The following HHLA2 variants were observed in gnomAD, a reference collection of about 807,000 sequenced individuals.
HHLA2 encodes HHLA2 member of B7 family.
HHLA2 carries 48 observed loss-of-function variants against 45.9 expected under a neutral mutation model. That is an observed-to-expected ratio of 1.05 (90% CI 0.83 to 1.33). The LOEUF is 1.33. HHLA2 is among the 40% of genes most tolerant of loss of function. The pLI is 0.00. For synonymous variants in HHLA2, 161 were observed against 173.9 expected (o/e 0.93, Z 0.59); for missense variants, 462 against 494.3 (o/e 0.93, Z 0.62).
intron 3 of HHLA2, among the ~76,000 whole-genome samples, chr3:108,338,542 CATT>C (rs368960999): frequency 4.6e-5 from 7 of 152,264 alleles, no homozygotes; most frequent in East Asian, 1.9e-4. Flanking sequence ...CGCTTCTCAT[CATT>C]GATTGATTTC....
At chr3:108,375,639 AC>A in intron 8 of HHLA2, 110 bp from the exon 8 acceptor site, 1 of 1,367,550 alleles carries the variant, frequency 7.3e-7, no homozygotes, top group Non-Finnish European at 9.8e-7. Flanking sequence ...CCTTCAAAGA[AC>A]CAGAGAGTGA....
intron 1 of HHLA2, among the ~76,000 whole-genome samples, chr3:108,301,134 C>T (rs1212783507): frequency 6.6e-6 from 1 of 151,980 alleles, no homozygotes; most frequent in Non-Finnish European, 1.5e-5. Context: ...AGACCTAGGC[C>T]CTCCAAACCA....
At chr3:108,312,793 C>T (rs149362639) in intron 2 of HHLA2, among the ~76,000 whole-genome samples, 2 of 152,318 alleles carry the variant, frequency 1.3e-5, no homozygotes, top group Non-Finnish European at 2.9e-5. Context: ...AATTCCACTG[C>T]ATGATAATCA....
intron 1 of HHLA2, among the ~76,000 whole-genome samples, chr3:108,301,459 C>G (rs1560176984): frequency 6.6e-6 from 1 of 152,122 alleles, no homozygotes; most frequent in Non-Finnish European, 1.5e-5. Context: ...GGCATTTCTT[C>G]TAGAGTTATC....
intron 5 of HHLA2, 144 bp downstream of exon 4, chr3:108,353,924 T>C: frequency 3.2e-6 from 2 of 632,448 alleles, no homozygotes; most frequent in African/African-American, 1.8e-5. Flanking sequence ...CAACTTGTAG[T>C]ATACTAATGT....
Position 108,372,077 on chromosome 3 carries a change from T to G in HHLA2, c.1109-3673T>G, listed in dbSNP as rs1212105502. 2.6e-5 allele frequency among the ~76,000 whole-genome samples: 4 copies of G among 152,324 alleles called. No individual in the cohort carries two copies. The South Asian group carries it at 8.3e-4, about 32-fold the overall frequency. On this transcript the variant is annotated intron_variant, in intron 8 of 10. Coordinates refer to ENST00000619531, the Ensembl canonical transcript of HHLA2. ...CCAAAATTGACCACATAATTGGAAGTAAAGCACTCCTCAGCAAATGTAAAA... is the reference window on the plus strand; with the variant it reads ...CCAAAATTGACCACATAATTGGAAGGAAAGCACTCCTCAGCAAATGTAAAA...
intron 8 of HHLA2, among the ~76,000 whole-genome samples, chr3:108,369,799 A>C (rs1298774404): frequency 6.6e-6 from 1 of 152,226 alleles, no homozygotes; most frequent in African/African-American, 2.4e-5. Flanking sequence ...TTGAGTAGGT[A>C]AACAAAGCAG....
At chr3:108,350,503 T>A (rs912217943) in intron 3 of HHLA2, among the ~76,000 whole-genome samples, 25 of 152,294 alleles carry the variant, frequency 1.6e-4, no homozygotes, top group African/African-American at 5.8e-4. Flanking sequence ...TTTACTTTTT[T>A]AAAAAAATTG....
chr3:108,350,389 G>A lies in HHLA2; in HGVS notation c.-26-1399G>A, dbSNP rs866995935. On this transcript the variant is annotated intron_variant, in intron 3 of 10. Transcript: ENST00000619531. ...GTTAAAAGGCCTTCTTCCTAAGGTC[G>A]TGTTTTCAATAACTTTCTTATAGTC... Among the ~76,000 whole-genome samples, 19 of 152,210 alleles carry A rather than the reference G, an allele frequency of 1.2e-4. No homozygotes were observed. In the Middle Eastern group the frequency reaches 0.01, roughly 82 times the overall value.
intron 2 of HHLA2, among the ~76,000 whole-genome samples, chr3:108,325,194 A>C (rs576639394): frequency 1.5e-4 from 23 of 152,306 alleles, no homozygotes; most frequent in Admixed American, 5.9e-4. Flanking sequence ...TGTCATGACC[A>C]GACTATTACA....
intron 2 of HHLA2, among the ~76,000 whole-genome samples, chr3:108,327,033 G>C (rs934737031): frequency 9.2e-5 from 14 of 152,118 alleles, no homozygotes; most frequent in African/African-American, 2.7e-4. Flanking sequence ...TTCTGTGTCT[G>C]AGAATTATTT....
intron 2 of HHLA2, among the ~76,000 whole-genome samples, chr3:108,314,419 A>G (rs955662370): frequency 6.6e-6 from 1 of 151,816 alleles, no homozygotes; most frequent in African/African-American, 2.4e-5. Context: ...TCCCCTTTTG[A>G]ATCTTTTCTT....
chr3:108,300,339 C>T (rs2080829537), intron 1 of HHLA2, among the ~76,000 whole-genome samples: 1 of 152,058 alleles, frequency 6.6e-6, no homozygotes, highest in Non-Finnish European at 1.5e-5. Flanking sequence ...CACTGTATGC[C>T]TTTGTTTCAT....
intron 1 of HHLA2, among the ~76,000 whole-genome samples, chr3:108,298,661 C>T (rs16854403): frequency 0.17 from 25,442 of 152,182 alleles, 3,458 homozygotes; most frequent in East Asian, 0.75. Context: ...ATGCAGTTAG[C>T]AGGTGCAGCT....
intron 8 of HHLA2, among the ~76,000 whole-genome samples, chr3:108,375,527 TAA>T (rs994004141): frequency 1.3e-5 from 2 of 150,932 alleles, no homozygotes; most frequent in African/African-American, 4.9e-5. Flanking sequence ...GTAAAAAAAT[TAA>T]AAAACTAGAG....
chr3:108,354,972 TG>T (rs1175861314), intron 5 of HHLA2, 142 bp from the exon 5 acceptor site: 1 of 756,906 alleles, frequency 1.3e-6, no homozygotes, highest in Non-Finnish European at 2.1e-6. Flanking sequence ...TTTGTTGGTT[TG>T]TTTTCCCTTT....
chr3:108,367,577 C>T (rs143910778), intron 8 of HHLA2, among the ~76,000 whole-genome samples: 177 of 151,592 alleles, frequency 1.2e-3, no homozygotes, highest in Middle Eastern at 3.4e-3. Context: ...TATCAGTAGC[C>T]GAATCGATCA....
chr3:108,365,594 C>T (rs546471940), intron 8 of HHLA2, among the ~76,000 whole-genome samples: 1 of 152,010 alleles, frequency 6.6e-6, no homozygotes, highest in Non-Finnish European at 1.5e-5. Context: ...GGCAGTATGG[C>T]CATTTTCACG....
chr3:108,376,407 A>T, intron 9 of HHLA2, 86 bp from the exon 9 acceptor site: 1 of 994,802 alleles, frequency 1.0e-6, no homozygotes, highest in Non-Finnish European at 1.5e-6. Context: ...TGATTCTAAT[A>T]ACATGATTAT....
Sources: allele counts gnomAD v4.1 joint callset (sites outside exome capture counted in the v4.1 genomes callset), GRCh38; gene constraint gnomAD v4.1.1; transcripts MANE v1.5; gene names NCBI Gene and HGNC (gene_info 2026-07-23, HGNC 2026-07-21).